The following EOGT variants were observed in gnomAD, a reference collection of about 807,000 sequenced individuals.
The protein encoded by EOGT is EGF domain-specific O-linked N-acetylglucosamine transferase.
A neutral mutation model predicts 70.5 loss-of-function variants in EOGT; 55 were observed. The observed-to-expected ratio is 0.78, with a 90% CI of 0.63 to 0.98. The LOEUF (loss-of-function observed/expected upper bound fraction) is 0.98, where lower values mean the gene tolerates loss of function less well. Ranked by LOEUF, EOGT falls within the 50% of genes least tolerant of loss-of-function variation. The pLI, the probability that EOGT is intolerant of heterozygous loss-of-function variation, is 0.00. For synonymous variants in EOGT, 246 were observed against 217.1 expected (o/e 1.13, Z -1.17); for missense variants, 703 against 641.9 (o/e 1.10, Z -1.03).
intron 7 of EOGT, 42 bp downstream of exon 7, chr3:69,005,098 T>C: frequency 8.7e-7 from 1 of 1,153,422 alleles, no homozygotes; most frequent in Non-Finnish European, 1.2e-6. Flanking sequence ...CTGAAAATAT[T>C]TCAGAATTTA....
intron 6 of EOGT, among the ~76,000 whole-genome samples, chr3:69,006,795 G>A (rs2091448353): frequency 6.6e-6 from 1 of 152,160 alleles, no homozygotes; most frequent in Non-Finnish European, 1.5e-5. Context: ...GTACGATATG[G>A]TATGGTTGAA....
At chr3:68,982,764 A>T (rs771445040) in intron 15 of EOGT, 47 bp downstream of exon 15, 1 of 1,484,536 alleles carries the variant, frequency 6.7e-7, no homozygotes, top group East Asian at 2.3e-5. Context: ...CCTTGACCTC[A>T]TCCAAGCAAA....
In EOGT at chr3:68,988,276, T is replaced by C; in HGVS notation, c.1083+19A>G. 2.0e-6 allele frequency: 3 copies of C among 1,504,454 alleles called. No individual in the cohort carries two copies. The highest frequency in any genetic ancestry group is 2.7e-6 in the Non-Finnish European group (3 of 1,121,820). The allele number at this position is 1,504,454 out of a possible 1,614,324, so 93.2% of individuals were successfully genotyped here. ...AAGAAAACTCAAGCCCACCTCAGAA[T>C]CCGCAGTGTATCCATTACCTTAGGT... On this transcript the variant is annotated intron_variant, in intron 13 of 17. Transcript: ENST00000383701.
At position 68,975,626 on chromosome 3, in the gene EOGT, C is replaced by G. The variant is rs1348980956; in HGVS notation, c.*1992G>C. 6.6e-6 allele frequency: 1 copy of G among 152,488 alleles called. No individual in the cohort carries two copies. Among genetic ancestry groups the G allele is most frequent in the Non-Finnish European group, 1.5e-5 (1 of 68,028 alleles). 9.4% of individuals were successfully genotyped at this position (152,488 alleles called of 1,614,324 possible). The stretch of plus-strand genomic sequence containing the variant: ...ATCCCTTTCATCTGAAATATTTTCC[C>G]AGTGGTTACTCAGTATTTTGCACAC... On this transcript the variant is annotated 3_prime_UTR_variant, in exon 18 of 18. Coordinates refer to ENST00000383701, the MANE Select transcript of EOGT (RefSeq NM_001278689.2).
intron 15 of EOGT, among the ~76,000 whole-genome samples, chr3:68,982,243 G>C (rs2090666583): frequency 6.6e-6 from 1 of 152,120 alleles, no homozygotes; most frequent in South Asian, 2.1e-4. Flanking sequence ...TTTTAGGCCG[G>C]GTGTGGTGGC....
rs768921770 is a variant in EOGT, at chr3:68,987,478, G to A, written c.1119C>T (p.Ser373=). The part of the protein sequence containing the change: ...GKIRVTILAR[S]TEYRKILNQN... ...GGTTAAGGATTTTCCGGTATTCTGT[G>A]CTCCGTGCAAGAATGGTGACTCGAA... Residue 373 remains serine (S), a synonymous_variant, in exon 14 of 18, where the codon AGC becomes AGT. Coordinates refer to ENST00000383701, the MANE Select transcript of EOGT (RefSeq NM_001278689.2). The A allele has an allele frequency of 1.2e-6, 2 of 1,613,680 alleles. No individual in the cohort carries two copies. The highest frequency in any genetic ancestry group is 2.2e-5 in the South Asian group (2 of 91,014).
intron 10 of EOGT, among the ~76,000 whole-genome samples, chr3:68,990,745 T>C (rs936567527): frequency 5.3e-5 from 8 of 152,194 alleles, no homozygotes; most frequent in African/African-American, 1.2e-4. Flanking sequence ...ATTCAGCCAA[T>C]AGAAATCAGA....
In EOGT at chr3:68,982,101, G is replaced by A. The variant is rs531489253; in HGVS notation, c.1214+710C>T. 2.6e-5 allele frequency among the ~76,000 whole-genome samples: 4 copies of A among 152,176 alleles called. No homozygotes were observed. The East Asian group carries it at 7.8e-4, about 29-fold the overall frequency. On this transcript the variant is annotated intron_variant, in intron 15 of 17. Transcript: ENST00000383701. ...TTTTTTATTTTTTAGTAGAGATGGG[G>A]TTGCACCATGTTGTCCAGGTTGGTC... is the stretch of plus-strand genomic sequence containing the variant.
At chr3:68,992,616 G>A (rs2091026474) in intron 10 of EOGT, among the ~76,000 whole-genome samples, 1 of 152,148 alleles carries the variant, frequency 6.6e-6, no homozygotes, top group East Asian at 1.9e-4. Context: ...TACCATTCTG[G>A]GGTCTGGAGG....
At position 68,982,865 on chromosome 3, in the gene EOGT, T is replaced by C. The variant is rs752211831; in HGVS notation, c.1160A>G (p.Asn387Ser). Residue 387 changes from asparagine (N) to serine (S), a missense_variant, in exon 15 of 18, where the codon AAT (asparagine) becomes AGT (serine). Physicochemically the swap from Asn to Ser is conservative, Grantham distance 46. Coordinates refer to ENST00000383701, the MANE Select transcript of EOGT (RefSeq NM_001278689.2). ...AAATGTAGATACTGTTTTCAGTGCA[T>C]TTACAAGCTGGGAAAAAAAGAGAAA... ...RKILNQNELVNALKTVSTFEV... is the reference protein window; with the variant it reads ...RKILNQNELVSALKTVSTFEV... 4 of 1,601,724 alleles carry C rather than the reference T, an allele frequency of 2.5e-6. No homozygotes were observed. In the Admixed American group the frequency reaches 5.1e-5, roughly 21 times the overall value.
At position 69,007,790 on chromosome 3, in the gene EOGT, A is replaced by G. The variant is rs755494803; in HGVS notation, c.343T>C (p.Phe115Leu). 4 of 1,612,916 alleles carry G rather than the reference A, an allele frequency of 2.5e-6. No individual in the cohort carries two copies. The Admixed American group carries it at 5.0e-5, about 20-fold the overall frequency. Residue 115 changes from phenylalanine to leucine, a missense_variant, in exon 6 of 18, where the codon TTT becomes CTT. By Grantham distance (22) the Phe-to-Leu change is conservative. Transcript: ENST00000383701. ...TDTLESAEDI[F>L]WKQADFGYAR... ...TATCCAAAGTCAGCTTGTTTCCAAA[A>G]TATGTCCTCAGCTGACTCAAGAGTG...
At chr3:68,995,029 A>G (rs930282652) in intron 10 of EOGT, among the ~76,000 whole-genome samples, 7 of 152,152 alleles carry the variant, frequency 4.6e-5, no homozygotes, top group African/African-American at 1.7e-4. Flanking sequence ...TTCAAGGAGG[A>G]GAGGGAAAGG....
chr3:68,986,581 T>C (rs902473420), intron 14 of EOGT, among the ~76,000 whole-genome samples: 1 of 152,218 alleles, frequency 6.6e-6, no homozygotes, highest in East Asian at 1.9e-4. Flanking sequence ...CATTTGACTC[T>C]GCCCGAGAGG....
At chr3:69,008,316 T>A (rs1483920973) in intron 5 of EOGT, 112 bp downstream of exon 5, 1 of 745,414 alleles carries the variant, frequency 1.3e-6, no homozygotes, top group African/African-American at 1.8e-5. Context: ...CAAATTAATA[T>A]CTAAATGAAT....
At chr3:68,991,662 C>A (rs1005215091) in intron 10 of EOGT, among the ~76,000 whole-genome samples, 1 of 152,060 alleles carries the variant, frequency 6.6e-6, no homozygotes, top group African/African-American at 2.4e-5. Flanking sequence ...AGAATATAAA[C>A]ATATTGGCCA....
chr3:68,998,961 AATCATTACATGT>A (rs1459828430), intron 9 of EOGT, among the ~76,000 whole-genome samples: 5 of 151,990 alleles, frequency 3.3e-5, no homozygotes, highest in Admixed American at 2.0e-4. Flanking sequence ...TTCCCTATTT[AATCATTACATGT>A]ATCATTCCTG....
At chr3:68,984,160 T>A (rs1251993178) in intron 14 of EOGT, among the ~76,000 whole-genome samples, 1 of 152,112 alleles carries the variant, frequency 6.6e-6, no homozygotes, top group African/African-American at 2.4e-5. Context: ...TCTATTGTCC[T>A]GCTTACAGAA....
chr3:68,986,370 A>C (rs556796547), intron 14 of EOGT, among the ~76,000 whole-genome samples: 1 of 151,928 alleles, frequency 6.6e-6, no homozygotes, highest in Non-Finnish European at 1.5e-5. Context: ...TCTACCAACA[A>C]CGCCCTGCTT....
intron 10 of EOGT, among the ~76,000 whole-genome samples, chr3:68,991,745 T>C (rs555062822): frequency 7.9e-5 from 12 of 152,180 alleles, no homozygotes; most frequent in Non-Finnish European, 1.8e-4. Flanking sequence ...AGTTCAAGAC[T>C]GTATTAGCCA....
Sources: allele counts gnomAD v4.1 joint callset (sites outside exome capture counted in the v4.1 genomes callset), GRCh38; gene constraint gnomAD v4.1.1; transcripts MANE v1.5; gene names NCBI Gene and HGNC (gene_info 2026-07-23, HGNC 2026-07-21).